The following SAP130 variants were observed in gnomAD, a reference collection of about 807,000 sequenced individuals.
The protein encoded by SAP130 is histone deacetylase complex subunit SAP130.
SAP130 carries 16 observed loss-of-function variants against 103.2 expected under a neutral mutation model. The observed-to-expected ratio is 0.16, with a 90% CI of 0.10 to 0.24. The LOEUF is 0.24. Ranked by LOEUF, SAP130 falls within the 10% of genes least tolerant of loss-of-function variation. The probability of loss-of-function intolerance (pLI) is 1.00; values close to 1 mark genes in which losing one functional copy is unlikely to be tolerated. For missense variants in SAP130, 990 were observed against 1,359.7 expected, an observed-to-expected ratio of 0.73 and a Z score of 4.28; for synonymous variants, 477 against 497.0, an observed-to-expected ratio of 0.96 and a Z score of 0.53.
intron 2 of SAP130, 95 bp from the exon 3 acceptor site, chr2:128,018,010 A>AT: frequency 9.9e-7 from 1 of 1,006,512 alleles, no homozygotes; most frequent in Non-Finnish European, 1.4e-6. Flanking sequence ...AAATCTCAGG[A>AT]TTGACAAAGT....
chr2:127,991,572 A>G (rs1253077884), intron 12 of SAP130, among the ~76,000 whole-genome samples: 2 of 152,016 alleles, frequency 1.3e-5, no homozygotes, highest in Non-Finnish European at 2.9e-5. Flanking sequence ...GTCTCAAGCG[A>G]CCTTCCTCCT....
At chr2:127,973,268 T>C (rs1307229326) in intron 15 of SAP130, among the ~76,000 whole-genome samples, 1 of 152,212 alleles carries the variant, frequency 6.6e-6, no homozygotes, top group Non-Finnish European at 1.5e-5. Flanking sequence ...CTTTCGCTCT[T>C]GTTGCCCAGG....
At chr2:128,021,401 C>G (rs1460871728) in intron 2 of SAP130, among the ~76,000 whole-genome samples, 1 of 149,560 alleles carries the variant, frequency 6.7e-6, no homozygotes, top group African/African-American at 2.5e-5. Context: ...GAGTCGAGAT[C>G]GCGCCACTGC....
intron 1 of SAP130, 134 bp downstream of exon 1, chr2:128,027,806 G>A: frequency 1.8e-6 from 1 of 554,530 alleles, no homozygotes; most frequent in Non-Finnish European, 2.3e-6. Context: ...AAGAGCCGCG[G>A]TCCGAGCCGC....
chr2:128,026,141 T>TA, intron 2 of SAP130, 40 bp downstream of exon 2: 1 of 1,359,280 alleles, frequency 7.4e-7, no homozygotes, highest in South Asian at 1.3e-5. Flanking sequence ...GTAATATTCT[T>TA]AAAGTAGGAA....
chr2:127,986,328 T>C lies in SAP130; in HGVS notation c.1958+457A>G, dbSNP rs564057603. Among the ~76,000 whole-genome samples the C allele has an allele frequency of 3.3e-5, 5 of 152,278 alleles. No homozygotes were observed. The highest frequency in any genetic ancestry group is 6.5e-5 in the Admixed American group (1 of 15,298). On this transcript the variant is annotated intron_variant, in intron 14 of 20. Coordinates refer to ENST00000643581, the MANE Select transcript of SAP130 (RefSeq NM_001330301.2). This position sits in a 1 kb window ranked among gnomAD's most constrained non-coding sequence, Gnocchi z 4.7. ...CCTGTCTGTATGCTCCCCTAGAGGT[T>C]TGAGTAGCAGGGCAATGAAGAAGCG...
chr2:127,980,054 T>C (rs545436060), intron 14 of SAP130, among the ~76,000 whole-genome samples: 1 of 152,100 alleles, frequency 6.6e-6, no homozygotes, highest in East Asian at 1.9e-4. Context: ...AATTTTTGTA[T>C]TTTTACTAGA....
At chr2:127,952,336 C>T (rs192326589) in intron 16 of SAP130, among the ~76,000 whole-genome samples, 10 of 151,664 alleles carry the variant, frequency 6.6e-5, no homozygotes, top group East Asian at 1.9e-4. Context: ...TTGTAATCCC[C>T]GCTACTCAGG....
At position 127,989,932 on chromosome 2, in the gene SAP130, A is replaced by G; in HGVS notation, c.1478-66T>C. ...CATTTCACACAGTCCACATAAAGAG[A>G]GAAACACTAAAAACGGATTTCCTCC... On this transcript the variant is annotated intron_variant, in intron 12 of 20. Coordinates refer to ENST00000643581, the MANE Select transcript of SAP130 (RefSeq NM_001330301.2). This position sits in a 1 kb window ranked among gnomAD's most constrained non-coding sequence, Gnocchi z 4.6. 6.9e-7 allele frequency: 1 copy of G among 1,448,060 alleles called. No homozygotes were observed. Among genetic ancestry groups the G allele is most frequent in the Non-Finnish European group, 9.4e-7 (1 of 1,066,016 alleles). 89.7% of individuals were successfully genotyped at this position (1,448,060 alleles called of 1,614,324 possible).
At position 127,986,711 on chromosome 2, in the gene SAP130, A is replaced by G. The variant is rs768042998; in HGVS notation, c.1958+74T>C. On this transcript the variant is annotated intron_variant, in intron 14 of 20. Coordinates refer to ENST00000643581, the MANE Select transcript of SAP130 (RefSeq NM_001330301.2). This position sits in a 1 kb window ranked among gnomAD's most constrained non-coding sequence, Gnocchi z 4.7. ...GAGATGAGTTTGATACCAGCATTAG[A>G]TAAGAGTGCCTATTATGTATACCAG... is the stretch of plus-strand genomic sequence containing the variant. 171 of 1,445,946 alleles carry G rather than the reference A, an allele frequency of 1.2e-4. 2 individuals carry two copies. The highest frequency in any genetic ancestry group is 7.4e-4 in the Middle Eastern group (3 of 4,050). 89.6% of individuals were successfully genotyped at this position (1,445,946 alleles called of 1,614,324 possible).
intron 15 of SAP130, among the ~76,000 whole-genome samples, chr2:127,970,865 C>G (rs1269631799): frequency 1.3e-5 from 2 of 152,116 alleles, no homozygotes; most frequent in East Asian, 3.9e-4. Flanking sequence ...ACTCAACCCA[C>G]AACAAAGTCA....
intron 5 of SAP130, among the ~76,000 whole-genome samples, chr2:128,014,420 C>T (rs111724205): frequency 0.28 from 25,484 of 92,082 alleles, 2,435 homozygotes; most frequent in South Asian, 0.45. Context: ...GCCATCCTCC[C>T]ATCTCAGCCT....
At chr2:127,999,681 T>C in intron 10 of SAP130, 60 bp downstream of exon 10, 2 of 863,686 alleles carry the variant, frequency 2.3e-6, no homozygotes, top group Non-Finnish European at 3.5e-6. Context: ...CATGAAGGCC[T>C]AGTCTGAGGG....
intron 15 of SAP130, among the ~76,000 whole-genome samples, chr2:127,958,743 C>G (rs1289929168): frequency 6.6e-6 from 1 of 150,746 alleles, no homozygotes; most frequent in Admixed American, 6.6e-5. Context: ...CTCACTGCAG[C>G]CTTAAACTCC....
chr2:127,942,024 C>T lies in SAP130; in HGVS notation c.3156G>A (p.Lys1052=). The part of the protein sequence containing the change: ...NGTVKKVSKL[K]RKEKV Reference sequence around the variant, plus strand: ...TCTGGGTCTAGACTTTTTCCTTTCGCTTCAATTTGGACACTTTTTTGACAG... The same window carrying T: ...TCTGGGTCTAGACTTTTTCCTTTCGTTTCAATTTGGACACTTTTTTGACAG... Residue 1052 remains lysine, a synonymous_variant, in exon 21 of 21, where the codon AAG becomes AAA. Transcript: ENST00000643581. The surrounding 1 kb of genome is among the most constrained non-coding windows in gnomAD (Gnocchi z 4.8). 7 of 1,587,786 alleles carry T rather than the reference C, an allele frequency of 4.4e-6. No individual in the cohort carries two copies. The highest frequency in any genetic ancestry group is 5.1e-6 in the Non-Finnish European group (6 of 1,168,636).
chr2:127,956,772 T>C (rs1184253561), intron 15 of SAP130, among the ~76,000 whole-genome samples: 1 of 151,526 alleles, frequency 6.6e-6, no homozygotes, highest in East Asian at 1.9e-4. Flanking sequence ...CTGTGAGATC[T>C]GACACTATCT....
At position 128,010,366 on chromosome 2, in the gene SAP130, C is replaced by T. The variant is rs1684302398; in HGVS notation, c.772G>A (p.Ala258Thr). 1 of 1,613,652 alleles carries T rather than the reference C, an allele frequency of 6.2e-7. No individual in the cohort carries two copies. The highest frequency in any genetic ancestry group is 1.7e-5 in the Admixed American group (1 of 59,974). Reference protein sequence around the residue: ...QSRPPVTTSNAIPPAVVATVS... With the variant: ...QSRPPVTTSNTIPPAVVATVS... ...GTTGCTACCACAGCAGGAGGGATGG[C>T]ATTGGAGGTGGTCACAGGTGGCCGA... Residue 258 changes from alanine to threonine, a missense_variant, in exon 7 of 21, where the codon GCC becomes ACC. This residue lies in a region of SAP130 where 336 missense variants were observed against 520.1 expected (regional missense o/e 0.65). Transcript: ENST00000643581.
intron 7 of SAP130, among the ~76,000 whole-genome samples, chr2:128,003,294 C>G: frequency 6.6e-6 from 1 of 151,668 alleles, no homozygotes; most frequent in Admixed American, 6.6e-5. Flanking sequence ...ACTGCTTGAG[C>G]CCAGGAATTT....
rs867289279 is a variant in SAP130 at position 127,949,937 on chromosome 2, C to T, written c.2729G>A (p.Arg910His). ...VRPRPPITLLRHYRNPWKAAY... is the reference protein window; with the variant it reads ...VRPRPPITLLHHYRNPWKAAY... ...AGCTTTCCAGGGGTTCCGATAGTGA[C>T]GAAGCAAAGTAATGGGGGGTCTTGG... Residue 910 changes from arginine (R) to histidine (H), a missense_variant, in exon 18 of 21, where the codon CGT (arginine) becomes CAT (histidine). Physicochemically the swap from Arg to His is conservative, Grantham distance 29. Transcript: ENST00000643581. The T allele has an allele frequency of 6.8e-6, 11 of 1,614,088 alleles. No individual in the cohort carries two copies. Among genetic ancestry groups the T allele is most frequent in the East Asian group, 4.5e-5 (2 of 44,876 alleles).
Sources: allele counts gnomAD v4.1 joint callset (sites outside exome capture counted in the v4.1 genomes callset), GRCh38; gene constraint gnomAD v4.1.1; regional missense constraint gnomAD v4.1.1; non-coding constraint Gnocchi (gnomAD v3.1); transcripts MANE v1.5; gene names NCBI Gene and HGNC (gene_info 2026-07-23, HGNC 2026-07-21).